The following SCUBE1 variants were observed in gnomAD, a reference collection of about 807,000 sequenced individuals.
SCUBE1 encodes signal peptide, CUB and EGF-like domain-containing protein 1.
SCUBE1 carries 59 observed loss-of-function variants against 124.4 expected under a neutral mutation model. The ratio of observed to expected loss-of-function variants is 0.47; its 90% confidence interval spans 0.38 to 0.59. The LOEUF (loss-of-function observed/expected upper bound fraction) is 0.59. Among genes scored for constraint, SCUBE1 ranks in the 20% least tolerant of loss-of-function variants. The probability of loss-of-function intolerance (pLI) is 0.00; values close to 1 mark genes in which losing one functional copy is unlikely to be tolerated. For synonymous variants in SCUBE1, 545 were observed against 550.9 expected (o/e 0.99, Z 0.15); for missense variants, 1,150 against 1,371.2 (o/e 0.84, Z 2.55).
At chr22:43,298,827 C>T (rs778314561) in intron 3 of SCUBE1, among the ~76,000 whole-genome samples, 175 of 151,972 alleles carry the variant, frequency 1.2e-3, no homozygotes, top group Admixed American at 1.9e-3. Context: ...CTGAGGCGGG[C>T]GGATCACAAG....
intron 4 of SCUBE1, among the ~76,000 whole-genome samples, chr22:43,272,238 T>A (rs1382296030): frequency 6.6e-6 from 1 of 151,964 alleles, no homozygotes; most frequent in Non-Finnish European, 1.5e-5. Flanking sequence ...CCCAGCTGGG[T>A]GTGTGACCCA....
intron 1 of SCUBE1, 73 bp from the exon 2 acceptor site, chr22:43,339,308 G>C (rs1927189833): frequency 1.4e-6 from 2 of 1,469,102 alleles, no homozygotes. Flanking sequence ...GTGTAGGGCA[G>C]GGGGAGCTCT....
chr22:43,260,264 C>T (rs2146709325), intron 5 of SCUBE1, among the ~76,000 whole-genome samples: 1 of 152,366 alleles, frequency 6.6e-6, no homozygotes, highest in East Asian at 1.9e-4. Flanking sequence ...CCCTTGTTCC[C>T]TCCACATAGT....
At chr22:43,279,227 T>G (rs993533535) in intron 4 of SCUBE1, among the ~76,000 whole-genome samples, 1 of 152,154 alleles carries the variant, frequency 6.6e-6, no homozygotes, top group African/African-American at 2.4e-5. Flanking sequence ...AGGTAACCTT[T>G]GTCAAGGAGC....
At chr22:43,209,600 T>G (rs7288644) in intron 19 of SCUBE1, among the ~76,000 whole-genome samples, 5,985 of 152,284 alleles carry the variant, frequency 0.039, 147 homozygotes, top group South Asian at 0.058. Context: ...CTCTGAGCTG[T>G]TATCTTGTGT....
At chr22:43,269,943 C>T (rs1276320141) in intron 4 of SCUBE1, among the ~76,000 whole-genome samples, 1 of 152,166 alleles carries the variant, frequency 6.6e-6, no homozygotes, top group African/African-American at 2.4e-5. Context: ...ATCAGGGCTG[C>T]CTGTGCGCCA....
In SCUBE1 at chr22:43,229,090, C is replaced by A; in HGVS notation, c.1066G>T (p.Gly356Trp). The A allele has an allele frequency of 6.2e-7, 1 of 1,613,024 alleles. No homozygotes were observed. The highest frequency in any genetic ancestry group is 8.5e-7 in the Non-Finnish European group (1 of 1,179,660). Reference sequence around the variant, plus strand: ...TGCAGACCTCCGCAGTGGGTTGTCCCGTAGAGGATGTAGCCGCGGTGACAC... The same window carrying A: ...TGCAGACCTCCGCAGTGGGTTGTCCAGTAGAGGATGTAGCCGCGGTGACAC... ...CLCHRGYILY[G>W]TTHCGDVDEC... Residue 356 changes from glycine to tryptophan, a missense_variant, in exon 9 of 22, where the codon GGG becomes TGG. By Grantham distance (184) the Gly-to-Trp change is radical (BLOSUM62 -2). This residue lies in a region of SCUBE1 where 337 missense variants were observed against 482.1 expected (regional missense o/e 0.70). Transcript: ENST00000360835.
At chr22:43,281,560 C>CT (rs1601856046) in intron 4 of SCUBE1, among the ~76,000 whole-genome samples, 1 of 120,404 alleles carries the variant, frequency 8.3e-6, no homozygotes, top group East Asian at 5.2e-4. Context: ...GTCACCTCCC[C>CT]CTCAGCCACC....
Position 43,281,564 on chromosome 22 carries a change from A to G in SCUBE1, c.484+9482T>C, listed in dbSNP as rs1314943327. ...GTCACCCTCCTGTCACCTCCCCCTC[A>G]GCCACCCTCCTGTCACCTCCCTTCT... On this transcript the variant is annotated intron_variant, in intron 4 of 21. Transcript: ENST00000360835. Among the ~76,000 whole-genome samples, 348 of 84,042 alleles carry G rather than the reference A, an allele frequency of 4.1e-3. 18 individuals carry two copies. The East Asian group carries it at 0.049, about 12-fold the overall frequency. 55.1% of individuals were successfully genotyped at this position (84,042 alleles called of 152,430 possible).
At chr22:43,325,721 GT>G (rs1398385131) in intron 2 of SCUBE1, among the ~76,000 whole-genome samples, 1 of 151,550 alleles carries the variant, frequency 6.6e-6, no homozygotes, top group East Asian at 1.9e-4. Context: ...ATTTTTTTTT[GT>G]TTTTAATGAA....
At chr22:43,254,727 CAGG>C (rs1368579045) in intron 6 of SCUBE1, among the ~76,000 whole-genome samples, 2 of 152,240 alleles carry the variant, frequency 1.3e-5, no homozygotes, top group Non-Finnish European at 2.9e-5. Context: ...CAGCTACGCT[CAGG>C]AGGTCTTGGG....
intron 4 of SCUBE1, among the ~76,000 whole-genome samples, chr22:43,287,258 T>C (rs1925183140): frequency 6.6e-6 from 1 of 152,192 alleles, no homozygotes; most frequent in South Asian, 2.1e-4. Flanking sequence ...GTCCCCCAAA[T>C]CAAGCCTGTG....
chr22:43,254,244 G>C (rs940707084), intron 6 of SCUBE1, among the ~76,000 whole-genome samples: 11 of 152,160 alleles, frequency 7.2e-5, no homozygotes, highest in Non-Finnish European at 1.5e-5. Flanking sequence ...CCGAGAAAGA[G>C]GGCCACACCT....
chr22:43,261,499 C>A (rs1051050049), intron 5 of SCUBE1, among the ~76,000 whole-genome samples: 1 of 152,084 alleles, frequency 6.6e-6, no homozygotes, highest in African/African-American at 2.4e-5. Context: ...TTCTAGGAGA[C>A]CATGAGTTGG....
Position 43,267,753 on chromosome 22 carries a change from CAGAG to C in SCUBE1, c.485-4912_485-4909del, listed in dbSNP as rs981368406. On this transcript the variant is annotated intron_variant, in intron 4 of 21. Coordinates refer to ENST00000360835, the MANE Select transcript of SCUBE1 (RefSeq NM_173050.5). ...CGGTATCCTCTGTGCCTCCGAACCTCAGAGGGAGAGCGGGTGGCATGCCCTCTCT... is the reference window on the plus strand; with the variant it reads ...CGGTATCCTCTGTGCCTCCGAACCTCGGAGAGCGGGTGGCATGCCCTCTCT... Among the ~76,000 whole-genome samples the C allele has an allele frequency of 6.0e-4, 91 of 152,210 alleles. 1 individual carries two copies. The highest frequency in any genetic ancestry group is 1.2e-3 in the Non-Finnish European group (79 of 68,032).
chr22:43,252,923 T>C (rs1408640046), intron 6 of SCUBE1, among the ~76,000 whole-genome samples: 1 of 144,158 alleles, frequency 6.9e-6, no homozygotes. Context: ...TAATACAACA[T>C]TGGGGCAGGA....
chr22:43,236,250 A>G (rs1218334077), intron 7 of SCUBE1, among the ~76,000 whole-genome samples: 6 of 152,146 alleles, frequency 3.9e-5, no homozygotes, highest in Non-Finnish European at 7.3e-5. Flanking sequence ...GAACATACCA[A>G]TGACACCAAC....
At chr22:43,214,061 C>CCCACCT in intron 16 of SCUBE1, 29 bp downstream of exon 16, 1 of 584,030 alleles carries the variant, frequency 1.7e-6, no homozygotes, top group Non-Finnish European at 2.8e-6. Flanking sequence ...ACCCCCCACC[C>CCCACCT]CCACCTCTCC....
intron 5 of SCUBE1, among the ~76,000 whole-genome samples, chr22:43,260,076 G>A (rs1185029158): frequency 2.0e-5 from 3 of 152,228 alleles, no homozygotes; most frequent in East Asian, 1.9e-4. Flanking sequence ...TGGGCTGGAC[G>A]TCGTGTGTCT....
Sources: allele counts gnomAD v4.1 joint callset (sites outside exome capture counted in the v4.1 genomes callset), GRCh38; gene constraint gnomAD v4.1.1; regional missense constraint gnomAD v4.1.1; transcripts MANE v1.5; gene names NCBI Gene and HGNC (gene_info 2026-07-23, HGNC 2026-07-21).